Variants in VAV3 observed in about 807,000 individuals in gnomAD.
VAV3 encodes vav guanine nucleotide exchange factor 3.
In VAV3, 94 loss-of-function variants were observed where a neutral mutation model predicts 131.2. That is an observed-to-expected ratio of 0.72 (90% CI 0.61 to 0.85). The LOEUF (loss-of-function observed/expected upper bound fraction) is 0.85, where lower values mean the gene tolerates loss of function less well. Ranked by LOEUF, VAV3 falls within the 40% of genes least tolerant of loss-of-function variation. VAV3 has a pLI of 0.00. For missense variants in VAV3, 939 were observed against 1,002.7 expected (o/e 0.94, Z 0.86); for synonymous variants, 349 against 342.0 (o/e 1.02, Z -0.22).
chr1:107,825,250 G>A (rs1008463384), intron 2 of VAV3, among the ~76,000 whole-genome samples: 1 of 152,158 alleles, frequency 6.6e-6, no homozygotes, highest in Non-Finnish European at 1.5e-5. Flanking sequence ...ATACAGATAG[G>A]TTGGTCTAAA....
chr1:107,816,501 C>A (rs1471319160), intron 2 of VAV3, among the ~76,000 whole-genome samples: 1 of 152,176 alleles, frequency 6.6e-6, no homozygotes, highest in Non-Finnish European at 1.5e-5. Flanking sequence ...CTTACACAAT[C>A]TCATTTCTGA....
chr1:107,949,618 G>A (rs1031376840), intron 1 of VAV3, among the ~76,000 whole-genome samples: 5 of 152,136 alleles, frequency 3.3e-5, no homozygotes, highest in African/African-American at 1.2e-4. Flanking sequence ...AGTGTCTCTG[G>A]AAGTACCCAA....
intron 15 of VAV3, among the ~76,000 whole-genome samples, chr1:107,716,137 T>C (rs1661078080): frequency 6.6e-6 from 1 of 152,212 alleles, no homozygotes; most frequent in Non-Finnish European, 1.5e-5. Flanking sequence ...TATAAAACTC[T>C]ATGTGCAGAA....
chr1:107,913,074 T>A (rs1251167414), intron 1 of VAV3, among the ~76,000 whole-genome samples: 2 of 152,252 alleles, frequency 1.3e-5, no homozygotes, highest in Non-Finnish European at 2.9e-5. Flanking sequence ...TTAAAAACTA[T>A]ATAGATTTTA....
chr1:107,681,296 T>C (rs988048637), intron 19 of VAV3, among the ~76,000 whole-genome samples: 4 of 152,174 alleles, frequency 2.6e-5, no homozygotes, highest in Non-Finnish European at 4.4e-5. Flanking sequence ...AAATAATGCA[T>C]TGTGGAAGCA....
intron 19 of VAV3, among the ~76,000 whole-genome samples, chr1:107,657,831 G>A (rs1437660037): frequency 1.3e-5 from 2 of 152,110 alleles, no homozygotes; most frequent in Non-Finnish European, 2.9e-5. Context: ...GCATTTTCAG[G>A]TGCTTCACTG....
chr1:107,648,850 A>G (rs1655935629), intron 19 of VAV3, among the ~76,000 whole-genome samples: 1 of 152,014 alleles, frequency 6.6e-6, no homozygotes, highest in Non-Finnish European at 1.5e-5. Context: ...CTGGTAGAAA[A>G]GAGGCCACTT....
At chr1:107,690,423 T>C (rs1659349393) in intron 17 of VAV3, among the ~76,000 whole-genome samples, 1 of 152,094 alleles carries the variant, frequency 6.6e-6, no homozygotes, top group Admixed American at 6.5e-5. Flanking sequence ...AGGCTCTTCA[T>C]ATCTTGTGCA....
chr1:107,635,184 A>G (rs575829495), intron 20 of VAV3, among the ~76,000 whole-genome samples: 4,479 of 152,056 alleles, frequency 0.029, 235 homozygotes, highest in African/African-American at 0.1. Flanking sequence ...TGTTTATTGC[A>G]TCACTATTCA....
chr1:107,915,841 C>T (rs1330272254), intron 1 of VAV3, among the ~76,000 whole-genome samples: 1 of 151,878 alleles, frequency 6.6e-6, no homozygotes. Flanking sequence ...TAGGTCCGGG[C>T]AATTGAGTTG....
intron 20 of VAV3, among the ~76,000 whole-genome samples, chr1:107,621,528 GAC>G (rs571969517): frequency 3.4e-4 from 52 of 152,124 alleles, no homozygotes; most frequent in Non-Finnish European, 4.4e-4. Flanking sequence ...TGAAATTGCA[GAC>G]TGTAACTATG....
intron 19 of VAV3, among the ~76,000 whole-genome samples, chr1:107,645,819 A>G (rs193181645): frequency 9.9e-5 from 15 of 152,216 alleles, no homozygotes; most frequent in Non-Finnish European, 1.9e-4. Context: ...AATTTAATAT[A>G]GGTTTTCTTC....
intron 2 of VAV3, among the ~76,000 whole-genome samples, chr1:107,826,582 T>C (rs150511568): frequency 6.6e-6 from 1 of 152,330 alleles, no homozygotes; most frequent in East Asian, 1.9e-4. Flanking sequence ...TCTAGTGTAC[T>C]GCAGTTCACT....
intron 1 of VAV3, among the ~76,000 whole-genome samples, chr1:107,875,323 G>A (rs1670441430): frequency 1.3e-5 from 2 of 152,146 alleles, no homozygotes; most frequent in Admixed American, 1.3e-4. Context: ...GGTGGTAAGT[G>A]CAATAGAGAA....
rs550932248 is a variant in VAV3 at position 107,919,863 on chromosome 1, C to G, written c.204+44803G>C. Among the ~76,000 whole-genome samples, 3 of 151,698 alleles carry G rather than the reference C, an allele frequency of 2.0e-5. No homozygotes were observed. In the East Asian group the frequency reaches 5.8e-4, roughly 29 times the overall value. On this transcript the variant is annotated intron_variant, in intron 1 of 26. Transcript: ENST00000370056. Reference sequence around the variant, plus strand: ...AAGAAAAGAATCAATGTCCCAGAAACAGAACTCAGAAACATAAAAAACATT... The same window carrying G: ...AAGAAAAGAATCAATGTCCCAGAAAGAGAACTCAGAAACATAAAAAACATT...
intron 2 of VAV3, among the ~76,000 whole-genome samples, chr1:107,786,401 C>T (rs1194706731): frequency 6.6e-6 from 1 of 152,200 alleles, no homozygotes; most frequent in African/African-American, 2.4e-5. Context: ...AGCTCCATCT[C>T]TTACTAGCAA....
chr1:107,690,522 T>G (rs547680763), intron 17 of VAV3, among the ~76,000 whole-genome samples: 2 of 152,292 alleles, frequency 1.3e-5, no homozygotes, highest in African/African-American at 4.8e-5. Flanking sequence ...ACGGCACTGA[T>G]GAGACTGGTA....
rs371132485 is a variant in VAV3, at chr1:107,899,675, T to C, written c.205-24658A>G. 1.1e-4 allele frequency among the ~76,000 whole-genome samples: 16 copies of C among 152,312 alleles called. 1 individual carries two copies. The highest frequency in any genetic ancestry group is 7.2e-4 in the Admixed American group (11 of 15,296). On this transcript the variant is annotated intron_variant, in intron 1 of 26. Coordinates refer to ENST00000370056, the MANE Select transcript of VAV3 (RefSeq NM_006113.5). Reference sequence around the variant, plus strand: ...TCCTTTGCAGTGTTACTTCATCTAATCTTCAGGATTATTTTATGAAATAGG... The same window carrying C: ...TCCTTTGCAGTGTTACTTCATCTAACCTTCAGGATTATTTTATGAAATAGG...
intron 1 of VAV3, among the ~76,000 whole-genome samples, chr1:107,945,524 A>C (rs554921636): frequency 6.6e-6 from 1 of 152,252 alleles, no homozygotes; most frequent in African/African-American, 2.4e-5. Context: ...GCTTAGATCT[A>C]GTAGAAAAAT....
Sources: allele counts gnomAD v4.1 joint callset (sites outside exome capture counted in the v4.1 genomes callset), GRCh38; gene constraint gnomAD v4.1.1; transcripts MANE v1.5; gene names NCBI Gene and HGNC (gene_info 2026-07-23, HGNC 2026-07-21).